The following BRD1 variants were observed in gnomAD, a reference collection of about 807,000 sequenced individuals.
BRD1 encodes bromodomain-containing protein 1.
Under a neutral mutation model 107.7 loss-of-function variants are expected in BRD1, and 24 were observed. The observed-to-expected ratio is 0.22, with a 90% CI of 0.16 to 0.31. The LOEUF (loss-of-function observed/expected upper bound fraction) is 0.31, where lower values mean the gene tolerates loss of function less well. Among genes scored for constraint, BRD1 ranks in the 10% least tolerant of loss-of-function variants. BRD1 has a pLI of 1.00. For synonymous variants in BRD1, 744 were observed against 686.1 expected (o/e 1.08, Z -1.32); for missense variants, 1,279 against 1,638.6 (o/e 0.78, Z 3.79).
rs543058653 is a variant in BRD1 at position 49,792,542 on chromosome 22, C to T, written c.2359+1492G>A. On this transcript the variant is annotated intron_variant, in intron 7 of 12. Transcript: ENST00000404760. The surrounding 1 kb of genome is among the most constrained non-coding windows in gnomAD (Gnocchi z 4.2). ...GGCCCCCAAAGCAGAGGAGGGATCA[C>T]GTGCCAACAATAACAGCCTTTGGGA... is the stretch of plus-strand genomic sequence containing the variant. Among the ~76,000 whole-genome samples the T allele has an allele frequency of 2.6e-5, 4 of 152,332 alleles. No individual in the cohort carries two copies. The highest frequency in any genetic ancestry group is 2.1e-4 in the South Asian group (1 of 4,826).
intron 8 of BRD1, among the ~76,000 whole-genome samples, chr22:49,780,189 C>T (rs568677063): frequency 6.6e-6 from 1 of 152,292 alleles, no homozygotes; most frequent in South Asian, 2.1e-4. Flanking sequence ...CCAACACAGC[C>T]AAGCCATGCA....
intron 3 of BRD1, among the ~76,000 whole-genome samples, chr22:49,802,736 C>T (rs1303494440): frequency 2.6e-5 from 4 of 152,236 alleles, no homozygotes; most frequent in Admixed American, 1.3e-4. Flanking sequence ...AGCTTCCCGC[C>T]GCTCAGCCAC....
chr22:49,826,519 T>C (rs2060150028), intron 1 of BRD1, among the ~76,000 whole-genome samples: 1 of 152,084 alleles, frequency 6.6e-6, no homozygotes, highest in Non-Finnish European at 1.5e-5. Context: ...CTTAAGTACA[T>C]CGAAGAGCCC....
At chr22:49,808,056 A>G (rs1467800716) in intron 2 of BRD1, among the ~76,000 whole-genome samples, 1 of 152,238 alleles carries the variant, frequency 6.6e-6, no homozygotes, top group Non-Finnish European at 1.5e-5. Flanking sequence ...AGGATGTGGA[A>G]ACCCTGAACC....
chr22:49,777,795 C>A lies in BRD1; in HGVS notation c.2876G>T (p.Gly959Val). 1.2e-6 allele frequency: 2 copies of A among 1,602,582 alleles called. No individual in the cohort carries two copies. The highest frequency in any genetic ancestry group is 1.1e-5 in the South Asian group (1 of 90,144). ...CGGCTCCTGCTCGCTCCTCGCACCC[C>A]CAAAGCCGTTGGTGAGACCTGGAAC... Reference protein sequence around the residue: ...RLDAGLTNGFGGARSEQEPGG... With the variant: ...RLDAGLTNGFVGARSEQEPGG... Residue 959 changes from glycine (G) to valine (V), a missense_variant, in exon 9 of 13, where the codon GGG (glycine) becomes GTG (valine). This residue lies in a region of BRD1 where 263 missense variants were observed against 251.6 expected (regional missense o/e 1.05). Transcript: ENST00000404760.
intron 2 of BRD1, among the ~76,000 whole-genome samples, chr22:49,819,811 C>CA (rs573083121): frequency 2.1e-4 from 32 of 151,648 alleles, no homozygotes; most frequent in South Asian, 1.9e-3. Flanking sequence ...ATCAAACTTA[C>CA]AAAAAAACAG....
At position 49,794,335 on chromosome 22, in the gene BRD1, G is replaced by C. The variant is rs753706638; in HGVS notation, c.2099-41C>G. On this transcript the variant is annotated intron_variant, in intron 6 of 12. Coordinates refer to ENST00000404760, the MANE Select transcript of BRD1 (RefSeq NM_001304808.3). ...CATGCTGTCAGTCATCAGGTCCCACGCACCTTCTGGGAACACATCACCGGT... is the reference window on the plus strand; with the variant it reads ...CATGCTGTCAGTCATCAGGTCCCACCCACCTTCTGGGAACACATCACCGGT... 7 of 1,572,126 alleles carry C rather than the reference G, an allele frequency of 4.5e-6. No individual in the cohort carries two copies. In the East Asian group the frequency reaches 9.0e-5, roughly 20 times the overall value.
At chr22:49,826,633 C>A (rs1041664701) in intron 1 of BRD1, among the ~76,000 whole-genome samples, 1 of 152,230 alleles carries the variant, frequency 6.6e-6, no homozygotes, top group African/African-American at 2.4e-5. Flanking sequence ...TCGGTCAAGG[C>A]CACAGGGGCC....
intron 5 of BRD1, 106 bp from the exon 6 acceptor site, chr22:49,798,223 CACACACAG>C: frequency 8.7e-7 from 1 of 1,150,848 alleles, no homozygotes; most frequent in Non-Finnish European, 1.2e-6. Context: ...ATCTGAGAGC[CACACACAG>C]ACACGCAGAC....
At chr22:49,782,109 A>T (rs555361228) in intron 8 of BRD1, among the ~76,000 whole-genome samples, 16 of 149,186 alleles carry the variant, frequency 1.1e-4, no homozygotes, top group Admixed American at 7.3e-4. Flanking sequence ...ACGGTCAGAG[A>T]CAGACCCAAG....
intron 7 of BRD1, among the ~76,000 whole-genome samples, chr22:49,789,610 C>T (rs1031996817): frequency 3.3e-5 from 5 of 152,078 alleles, no homozygotes; most frequent in Non-Finnish European, 4.4e-5. Flanking sequence ...ATGGGTGCAA[C>T]AGCACCCGGC....
chr22:49,818,243 G>A (rs1198199202), intron 2 of BRD1: 2 of 1,227,390 alleles, frequency 1.6e-6, no homozygotes, highest in African/African-American at 1.6e-5. Flanking sequence ...TCTTGTCCGT[G>A]AGGCTGAAGT....
intron 8 of BRD1, among the ~76,000 whole-genome samples, chr22:49,781,899 G>A (rs748213164): frequency 6.6e-5 from 10 of 151,764 alleles, no homozygotes; most frequent in South Asian, 2.1e-4. Context: ...CAATGCAGCC[G>A]GGGACGGTCA....
chr22:49,808,417 A>G (rs1418614078), intron 2 of BRD1, among the ~76,000 whole-genome samples: 2 of 152,234 alleles, frequency 1.3e-5, no homozygotes, highest in East Asian at 3.8e-4. Flanking sequence ...AATAAGCCAG[A>G]CACAAAAAGA....
chr22:49,824,860 A>G lies in BRD1; in HGVS notation c.-14-529T>C. 1 of 994,104 alleles carries G rather than the reference A, an allele frequency of 1.0e-6. No individual in the cohort carries two copies. The highest frequency in any genetic ancestry group is 1.2e-6 in the Non-Finnish European group (1 of 830,716). 61.6% of individuals were successfully genotyped at this position (994,104 alleles called of 1,614,324 possible). On this transcript the variant is annotated intron_variant, in intron 1 of 12. Coordinates refer to ENST00000404760, the MANE Select transcript of BRD1 (RefSeq NM_001304808.3). The surrounding 1 kb of genome is among the most constrained non-coding windows in gnomAD (Gnocchi z 5.9). ...CTACTCCCAGGAGAGCACTCCCATG[A>G]GCCCAGAGTCACCACAGTCCTTGCA...
rs2059034036 is a variant in BRD1 at position 49,774,057 on chromosome 22, A to G, written c.*176T>C. On this transcript the variant is annotated 3_prime_UTR_variant, in exon 13 of 13. Transcript: ENST00000404760. ...GCCCGGACGTGCCCACCCCACTCAC[A>G]GCGCCCAGACGGAGATGGGTTCCTA... 1 of 848,338 alleles carries G rather than the reference A, an allele frequency of 1.2e-6. No homozygotes were observed. 52.6% of individuals were successfully genotyped at this position (848,338 alleles called of 1,614,324 possible).
At chr22:49,814,863 T>A (rs973738628) in intron 2 of BRD1, among the ~76,000 whole-genome samples, 1 of 152,084 alleles carries the variant, frequency 6.6e-6, no homozygotes, top group African/African-American at 2.4e-5. Flanking sequence ...GTAAATATGG[T>A]GAAAGTGAAG....
chr22:49,775,545 C>T, intron 12 of BRD1, 46 bp downstream of exon 12: 1 of 1,351,974 alleles, frequency 7.4e-7, no homozygotes, highest in Non-Finnish European at 9.6e-7. Context: ...CCCACGGCCC[C>T]CAACCACCCC....
At chr22:49,786,998 G>A (rs1017837616) in intron 8 of BRD1, among the ~76,000 whole-genome samples, 13 of 152,036 alleles carry the variant, frequency 8.6e-5, no homozygotes, top group Non-Finnish European at 2.9e-5. Context: ...AGAGGCTGAG[G>A]CAGGAGGATC....
Sources: gnomAD v4.1 joint callset for allele counts (sites outside exome capture counted in the v4.1 genomes callset) on GRCh38, gnomAD v4.1.1 for gene constraint, gnomAD v4.1.1 regional missense constraint, Gnocchi (gnomAD v3.1) non-coding constraint, MANE v1.5 for transcripts, NCBI Gene and HGNC (gene_info 2026-07-23, HGNC 2026-07-21) for gene names.